Variants in HIVEP3 observed in about 807,000 individuals in gnomAD.
The protein encoded by HIVEP3 is HIVEP zinc finger 3, also known as transcription factor HIVEP3.
HIVEP3 carries 49 observed loss-of-function variants against 152.8 expected under a neutral mutation model. The observed-to-expected ratio is 0.32, with a 90% CI of 0.26 to 0.41. The LOEUF (loss-of-function observed/expected upper bound fraction) is 0.41, where lower values mean the gene tolerates loss of function less well. HIVEP3 is among the 10% of genes least tolerant of loss of function. The pLI, the probability that HIVEP3 is intolerant of heterozygous loss-of-function variation, is 1.00. For missense variants in HIVEP3, 2,790 were observed against 3,103.3 expected, an observed-to-expected ratio of 0.90 and a Z score of 2.40; for synonymous variants, 1,269 against 1,289.0, an observed-to-expected ratio of 0.98 and a Z score of 0.33.
intron 2 of HIVEP3, among the ~76,000 whole-genome samples, chr1:41,678,435 G>A (rs934967105): frequency 6.7e-6 from 1 of 149,876 alleles, no homozygotes; most frequent in African/African-American, 2.5e-5. Flanking sequence ...GGAGGAGGCT[G>A]TAATTAGCCC....
chr1:41,555,895 T>C (rs551371601), intron 5 of HIVEP3, among the ~76,000 whole-genome samples: 3 of 152,338 alleles, frequency 2.0e-5, no homozygotes, highest in Non-Finnish European at 4.4e-5. Flanking sequence ...TCTGTCCTTT[T>C]TCGTGACTGG....
chr1:41,901,828 C>A (rs1644629382), intron 1 of HIVEP3, among the ~76,000 whole-genome samples: 1 of 152,174 alleles, frequency 6.6e-6, no homozygotes, highest in East Asian at 1.9e-4. Context: ...CTATTTCCTT[C>A]ACAGCCATTA....
intron 1 of HIVEP3, among the ~76,000 whole-genome samples, chr1:41,717,561 A>C (rs1394923715): frequency 6.6e-6 from 1 of 152,184 alleles, no homozygotes; most frequent in African/African-American, 2.4e-5. Context: ...GAAGTGAGGG[A>C]GCAGGGGCAC....
intron 2 of HIVEP3, among the ~76,000 whole-genome samples, chr1:41,685,161 C>T (rs1053988169): frequency 7.2e-5 from 11 of 152,266 alleles, no homozygotes; most frequent in Middle Eastern, 3.4e-3. Flanking sequence ...CACAAGAGGA[C>T]GGATGTGATG....
intron 1 of HIVEP3, among the ~76,000 whole-genome samples, chr1:41,852,619 G>A (rs866441107): frequency 6.6e-6 from 1 of 152,206 alleles, no homozygotes; most frequent in East Asian, 1.9e-4. Context: ...GGATTCCCAA[G>A]ATTGGAGAAG....
intron 3 of HIVEP3, among the ~76,000 whole-genome samples, chr1:41,613,245 C>T (rs1263962670): frequency 1.3e-5 from 2 of 152,260 alleles, no homozygotes; most frequent in South Asian, 2.1e-4. Context: ...AACAGGAACA[C>T]ACCCCTGCCT....
At chr1:41,685,132 C>G (rs1419535297) in intron 2 of HIVEP3, among the ~76,000 whole-genome samples, 2 of 152,194 alleles carry the variant, frequency 1.3e-5, no homozygotes, top group Non-Finnish European at 2.9e-5. Flanking sequence ...ACTCCCCCAG[C>G]CTTCTTCTTG....
chr1:41,620,372 G>A (rs1645029542), intron 3 of HIVEP3, among the ~76,000 whole-genome samples: 1 of 152,184 alleles, frequency 6.6e-6, no homozygotes. Flanking sequence ...TTATTCTAAA[G>A]AGCAGCCCAA....
chr1:41,783,775 A>G (rs1196452712), intron 1 of HIVEP3, among the ~76,000 whole-genome samples: 2 of 152,228 alleles, frequency 1.3e-5, no homozygotes, highest in African/African-American at 4.8e-5. Flanking sequence ...TCGAGGGCTG[A>G]ACCCCGCTCA....
intron 1 of HIVEP3, among the ~76,000 whole-genome samples, chr1:41,840,529 C>T (rs1313289213): frequency 6.6e-6 from 1 of 152,190 alleles, no homozygotes; most frequent in Non-Finnish European, 1.5e-5. Context: ...TTCTGGCCTC[C>T]AGAACCATGA....
chr1:41,524,936 A>AG, intron 5 of HIVEP3, 26 bp from the exon 6 acceptor site: 1 of 1,600,336 alleles, frequency 6.2e-7, no homozygotes, highest in Non-Finnish European at 8.5e-7. Flanking sequence ...GTCATAGTAA[A>AG]GGGAAAAAAA....
chr1:41,663,852 CT>C (rs1645755138), intron 2 of HIVEP3, among the ~76,000 whole-genome samples: 1 of 152,168 alleles, frequency 6.6e-6, no homozygotes, highest in African/African-American at 2.4e-5. Flanking sequence ...ACCCCAGTCT[CT>C]CTCAACTTCC....
chr1:41,738,903 T>C (rs924214369), intron 1 of HIVEP3, among the ~76,000 whole-genome samples: 1 of 152,178 alleles, frequency 6.6e-6, no homozygotes, highest in Non-Finnish European at 1.5e-5. Context: ...CCCAAGAGGG[T>C]AGATTCTAAA....
intron 7 of HIVEP3, 124 bp from the exon 8 acceptor site, chr1:41,513,874 C>T (rs1197335752): frequency 2.8e-6 from 2 of 723,394 alleles, no homozygotes; most frequent in East Asian, 3.0e-5. Flanking sequence ...ATCGCAAGGG[C>T]ACAAGATTGT....
rs190966243 is a variant in HIVEP3, at chr1:41,947,216, C to A, written n.120-28692G>T. On this transcript the variant is annotated intron_variant and non_coding_transcript_variant, in intron 1 of 3. Transcript: ENST00000489103. The stretch of plus-strand genomic sequence containing the variant: ...AGTTCTCATACCTGGACACTCTTGT[C>A]CTTCGGTATGTGGATGATTTACTTT... 4.2e-3 allele frequency among the ~76,000 whole-genome samples: 643 copies of A among 152,326 alleles called. 4 individuals are homozygous for A. The highest frequency in any genetic ancestry group is 5.8e-3 in the Non-Finnish European group (397 of 68,032).
chr1:41,614,810 A>C (rs1644944407), intron 3 of HIVEP3, among the ~76,000 whole-genome samples: 1 of 152,232 alleles, frequency 6.6e-6, no homozygotes, highest in Non-Finnish European at 1.5e-5. Context: ...AGTTAGCTGC[A>C]CAGTCTCCGT....
chr1:41,795,891 G>A (rs1000750168), intron 1 of HIVEP3, among the ~76,000 whole-genome samples: 3 of 151,938 alleles, frequency 2.0e-5, no homozygotes, highest in African/African-American at 7.3e-5. Context: ...TTGTGTGTTT[G>A]CTTTTTGTTT....
intron 5 of HIVEP3, among the ~76,000 whole-genome samples, chr1:41,546,159 C>T (rs992550693): frequency 6.6e-6 from 1 of 152,188 alleles, no homozygotes; most frequent in Non-Finnish European, 1.5e-5. Flanking sequence ...CGGGTGACTA[C>T]AGCTGGAACA....
chr1:41,691,869 G>A (rs1300840122), intron 2 of HIVEP3, among the ~76,000 whole-genome samples: 2 of 142,420 alleles, frequency 1.4e-5, no homozygotes, highest in Non-Finnish European at 3.0e-5. Context: ...ACTTGTGGGT[G>A]TGCAGAGTGG....
Sources: gnomAD v4.1 joint callset for allele counts (sites outside exome capture counted in the v4.1 genomes callset) on GRCh38, gnomAD v4.1.1 for gene constraint, MANE v1.5 for transcripts, NCBI Gene and HGNC (gene_info 2026-07-23, HGNC 2026-07-21) for gene names.